Variants in GALR1 observed in about 807,000 individuals in gnomAD.
GALR1 encodes the protein galanin receptor type 1.
In GALR1, 11 loss-of-function variants were observed where a neutral mutation model predicts 17.9. The ratio of observed to expected loss-of-function variants is 0.62; its 90% CI spans 0.39 to 1.02. The LOEUF is 1.02. Among genes scored for constraint, GALR1 ranks in the 50% least tolerant of loss-of-function variants. GALR1 has a pLI of 0.01. For synonymous variants in GALR1, 206 were observed against 205.7 expected, an observed-to-expected ratio of 1.00 and a Z score of -0.01; for missense variants, 441 against 456.9, an observed-to-expected ratio of 0.97 and a Z score of 0.32.
At position 77,267,463 on chromosome 18, in the gene GALR1, C is replaced by T. The variant is rs62105218; in HGVS notation, c.733-1122C>T. On this transcript the variant is annotated intron_variant, in intron 2 of 2. Transcript: ENST00000299727. ...CATGACAGCATCTGCTTCATAGAGT[C>T]GTAAAGGACATTCGGTGAAATAATG... is the stretch of plus-strand genomic sequence containing the variant. 2.6e-5 allele frequency among the ~76,000 whole-genome samples: 4 copies of T among 152,266 alleles called. No homozygotes were observed. The East Asian group carries it at 5.8e-4, about 22-fold the overall frequency.
intron 2 of GALR1, among the ~76,000 whole-genome samples, chr18:77,266,091 A>C (rs1912938185): frequency 6.6e-6 from 1 of 152,166 alleles, no homozygotes; most frequent in Non-Finnish European, 1.5e-5. Context: ...AAATTTTCCA[A>C]ACGTTTATAT....
chr18:77,259,862 A>G (rs1476231099), intron 2 of GALR1, among the ~76,000 whole-genome samples: 1 of 151,568 alleles, frequency 6.6e-6, no homozygotes, highest in Non-Finnish European at 1.5e-5. Flanking sequence ...GACAGGGGAG[A>G]CTCGGGAAGG....
intron 1 of GALR1, among the ~76,000 whole-genome samples, chr18:77,252,493 C>T (rs1388490014): frequency 6.6e-6 from 1 of 152,204 alleles, no homozygotes; most frequent in African/African-American, 2.4e-5. Context: ...ACCTGTTTCC[C>T]CCCACCTATT....
Position 77,250,838 on chromosome 18 carries a change from C to T in GALR1, c.290C>T (p.Ala97Val), listed in dbSNP as rs140216881. 1.3e-4 allele frequency: 203 copies of T among 1,613,496 alleles called. 1 individual carries two copies. In the African/African-American group the frequency reaches 2.4e-3, roughly 19 times the overall value. The change falls in exon 1 of 3, where the codon GCG (alanine) becomes GTG (valine). Residue 97 changes from alanine (A) to valine (V), a missense_variant. Physicochemically the swap from Ala to Val is moderately conservative, Grantham distance 64. Coordinates refer to ENST00000299727, the MANE Select transcript of GALR1 (RefSeq NM_001480.4). The part of the protein sequence containing the change: ...FCIPFQATVY[A>V]LPTWVLGAFI... The stretch of plus-strand genomic sequence containing the variant: ...ATCCCCTTCCAGGCCACCGTGTACG[C>T]GCTGCCCACCTGGGTGCTGGGCGCC...
At position 77,270,383 on chromosome 18, in the gene GALR1, C is replaced by T. The variant is rs1029559128; in HGVS notation, c.*1481C>T. On this transcript the variant is annotated 3_prime_UTR_variant, in exon 3 of 3. Transcript: ENST00000299727. ...TACAAAAATTAGCTGGGTGTGGTGG[C>T]GCACGCCTGTAGTTTCAGCTACTCT... is the stretch of plus-strand genomic sequence containing the variant. 10 of 152,262 alleles carry T rather than the reference C, an allele frequency of 6.6e-5. No individual in the cohort carries two copies. The highest frequency in any genetic ancestry group is 2.1e-4 in the South Asian group (1 of 4,826). The allele number at this position is 152,262 out of a possible 1,614,324, so 9.4% of individuals were successfully genotyped here.
chr18:77,268,668 T>G lies in GALR1; in HGVS notation c.816T>G (p.Phe272Leu), dbSNP rs974188682. The G allele has an allele frequency of 6.2e-7, 1 of 1,614,024 alleles. No individual in the cohort carries two copies. Among genetic ancestry groups the G allele is most frequent in the African/African-American group, 1.3e-5 (1 of 74,922 alleles). Residue 272 changes from phenylalanine to leucine, a missense_variant, in exon 3 of 3, where the codon TTT becomes TTG. Physicochemically the swap from Phe to Leu is conservative, Grantham distance 22. Coordinates refer to ENST00000299727, the MANE Select transcript of GALR1 (RefSeq NM_001480.4). ...PHHIIHLWAEFGVFPLTPASF... is the reference protein window; with the variant it reads ...PHHIIHLWAELGVFPLTPASF... Reference sequence around the variant, plus strand: ...ACATCATCCATCTCTGGGCTGAGTTTGGAGTTTTCCCGCTGACGCCGGCTT... The same window carrying G: ...ACATCATCCATCTCTGGGCTGAGTTGGGAGTTTTCCCGCTGACGCCGGCTT...
chr18:77,250,351 G>A lies in GALR1; in HGVS notation c.-198G>A, dbSNP rs1309768285. ...CTCCCGAACCCACCCTCTCTCAGAA[G>A]GTCCCGGCGCAAAGACGGTGCCACC... On this transcript the variant is annotated 5_prime_UTR_variant, in exon 1 of 3. Transcript: ENST00000299727. Among the ~76,000 whole-genome samples the A allele has an allele frequency of 6.6e-6, 1 of 152,192 alleles. No individual in the cohort carries two copies. The highest frequency in any genetic ancestry group is 2.4e-5 in the African/African-American group (1 of 41,460).
chr18:77,270,205 TTTTG>T lies in GALR1; in HGVS notation c.*1314_*1317del, dbSNP rs1214905174. ...AGGCAACAAAAGCAAGAAGTTTTTT[TTTTG>T]TTTGTTTGTTAAAAAGGATTTGGCC... On this transcript the variant is annotated 3_prime_UTR_variant, in exon 3 of 3. Transcript: ENST00000299727. 1 of 152,208 alleles carries T rather than the reference TTTTG, an allele frequency of 6.6e-6. No individual in the cohort carries two copies. Among genetic ancestry groups the T allele is most frequent in the Non-Finnish European group, 1.5e-5 (1 of 68,044 alleles). 9.4% of individuals were successfully genotyped at this position (152,208 alleles called of 1,614,324 possible). A position where few individuals can be genotyped will look rare whatever the true frequency, so the allele number is the denominator to read the frequency against.
chr18:77,264,595 T>C (rs775717157), intron 2 of GALR1, among the ~76,000 whole-genome samples: 1 of 152,056 alleles, frequency 6.6e-6, no homozygotes, highest in Non-Finnish European at 1.5e-5. Context: ...AGAGAGTGGG[T>C]ATATTAGTCT....
rs1349360911 is a variant in GALR1, at chr18:77,250,665, G to T, written c.117G>T (p.Val39=). 1.9e-6 allele frequency: 3 copies of T among 1,611,036 alleles called. No homozygotes were observed. Among genetic ancestry groups the T allele is most frequent in the Non-Finnish European group, 2.5e-6 (3 of 1,179,304 alleles). The change falls in exon 1 of 3, where the codon GTG becomes GTT. Residue 39 remains valine (V), a synonymous_variant. Coordinates refer to ENST00000299727, the MANE Select transcript of GALR1 (RefSeq NM_001480.4). The part of the protein sequence containing the change: ...IGVENFVTLV[V]FGLIFALGVL... Reference sequence around the variant, plus strand: ...TGGAGAACTTCGTCACGCTGGTGGTGTTCGGCCTGATCTTCGCGCTGGGTG... The same window carrying T: ...TGGAGAACTTCGTCACGCTGGTGGTTTTCGGCCTGATCTTCGCGCTGGGTG...
intron 1 of GALR1, among the ~76,000 whole-genome samples, chr18:77,252,669 GA>G (rs1310147862): frequency 1.3e-5 from 2 of 152,062 alleles, no homozygotes; most frequent in Non-Finnish European, 2.9e-5. Flanking sequence ...CCAACAGGGT[GA>G]AACCCCGTCT....
At position 77,270,129 on chromosome 18, in the gene GALR1, C is replaced by G. The variant is rs1015055121; in HGVS notation, c.*1227C>G. The G allele has an allele frequency of 6.6e-6, 1 of 152,008 alleles. No individual in the cohort carries two copies. Among genetic ancestry groups the G allele is most frequent in the African/African-American group, 2.4e-5 (1 of 41,410 alleles). 9.4% of individuals were successfully genotyped at this position (152,008 alleles called of 1,614,324 possible). ...AAATGGCATGAAAATATTAAATTGT[C>G]TTGTATCGGAAAAGTACTTTTCAGA... is the stretch of plus-strand genomic sequence containing the variant. On this transcript the variant is annotated 3_prime_UTR_variant, in exon 3 of 3. Transcript: ENST00000299727.
chr18:77,253,361 G>A (rs1912515434), intron 1 of GALR1, among the ~76,000 whole-genome samples: 4 of 152,150 alleles, frequency 2.6e-5, no homozygotes, highest in Admixed American at 1.3e-4. Context: ...TTCTGAGGAC[G>A]GGACAGTTGG....
At position 77,274,872 on chromosome 18, in the gene GALR1, C is replaced by G. The variant is rs1335177495; in HGVS notation, c.*5970C>G. 6.6e-6 allele frequency: 1 copy of G among 152,208 alleles called. No individual in the cohort carries two copies. Among genetic ancestry groups the G allele is most frequent in the Non-Finnish European group, 1.5e-5 (1 of 68,038 alleles). The allele number at this position is 152,208 out of a possible 1,614,324, so 9.4% of individuals were successfully genotyped here. On this transcript the variant is annotated 3_prime_UTR_variant, in exon 3 of 3. Coordinates refer to ENST00000299727, the MANE Select transcript of GALR1 (RefSeq NM_001480.4). ...ATGTCTGTTTTTATTCTTCCCTACT[C>G]TTTTCTTAAAGTTGGTCATATTTCT...
intron 1 of GALR1, among the ~76,000 whole-genome samples, chr18:77,251,644 C>T (rs1404538457): frequency 5.3e-5 from 8 of 152,174 alleles, no homozygotes; most frequent in African/African-American, 1.9e-4. Context: ...AGGTTACCGC[C>T]GCGGCGCTGT....
Position 77,269,153 on chromosome 18 carries a change from T to C in GALR1, c.*251T>C, listed in dbSNP as rs569215709. On this transcript the variant is annotated 3_prime_UTR_variant, in exon 3 of 3. Coordinates refer to ENST00000299727, the MANE Select transcript of GALR1 (RefSeq NM_001480.4). ...AGAAACAAAAGACAATGCTGTACAG[T>C]TTTATTCCTCTTCAGACATGAAAGG... The C allele has an allele frequency of 1.3e-5, 6 of 449,030 alleles. No homozygotes were observed. In the East Asian group the frequency reaches 2.0e-4, roughly 15 times the overall value. The allele number at this position is 449,030 out of a possible 1,614,324, so 27.8% of individuals were successfully genotyped here. A position where few individuals can be genotyped will look rare whatever the true frequency, so the allele number is the denominator to read the frequency against.
At position 77,270,528 on chromosome 18, in the gene GALR1, A is replaced by ATGTGTGTGTGTGTG. The variant is rs34420045; in HGVS notation, c.*1648_*1661dup. The ATGTGTGTGTGTGTG allele has an allele frequency of 7.0e-6, 1 of 143,108 alleles. No individual in the cohort carries two copies. Among genetic ancestry groups the ATGTGTGTGTGTGTG allele is most frequent in the Admixed American group, 7.0e-5 (1 of 14,248 alleles). 8.9% of individuals were successfully genotyped at this position (143,108 alleles called of 1,614,324 possible). A position where few individuals can be genotyped will look rare whatever the true frequency, so the allele number is the denominator to read the frequency against. On this transcript the variant is annotated 3_prime_UTR_variant, in exon 3 of 3. Coordinates refer to ENST00000299727, the MANE Select transcript of GALR1 (RefSeq NM_001480.4). Reference sequence around the variant, plus strand: ...GACTCTGTCTAAAATATATATATATATGTGTGTGTGTGTGTGTGTGTGTGT... The same window carrying ATGTGTGTGTGTGTG: ...GACTCTGTCTAAAATATATATATATATGTGTGTGTGTGTGTGTGTGTGTGTGTGTGTGTGTGTGT...
At chr18:77,258,681 A>ATGGTGGTGGG (rs1912674383) in intron 2 of GALR1, among the ~76,000 whole-genome samples, 1 of 92,986 alleles carries the variant, frequency 1.1e-5, no homozygotes, top group Non-Finnish European at 2.3e-5. Context: ...CATGGTGGTG[A>ATGGTGGTGGG]TGGTGATGGT....
intron 1 of GALR1, among the ~76,000 whole-genome samples, chr18:77,253,031 C>A (rs901487237): frequency 8.0e-6 from 1 of 124,592 alleles, no homozygotes; most frequent in African/African-American, 3.1e-5. Flanking sequence ...ACCATCACCA[C>A]CATCACCACC....
Sources: gnomAD v4.1 joint callset for allele counts (sites outside exome capture counted in the v4.1 genomes callset) on GRCh38, gnomAD v4.1.1 for gene constraint, MANE v1.5 for transcripts, NCBI Gene and HGNC (gene_info 2026-07-23, HGNC 2026-07-21) for gene names.